Variants in RP1 observed in about 807,000 individuals in gnomAD.
The protein encoded by RP1 is RP1 axonemal microtubule associated.
In RP1, 16 loss-of-function variants were observed where a neutral mutation model predicts 14.8. The observed-to-expected ratio is 1.08, with a 90% confidence interval of 0.73 to 1.65. The LOEUF (loss-of-function observed/expected upper bound fraction) is 1.65, where lower values mean the gene tolerates loss of function less well. Ranked by LOEUF, RP1 falls within the 40% of genes most tolerant of loss-of-function variation. The probability of loss-of-function intolerance (pLI) is 0.00; values close to 1 mark genes in which losing one functional copy is unlikely to be tolerated. For synonymous variants in RP1, 876 were observed against 883.6 expected (o/e 0.99, Z 0.15); for missense variants, 2,631 against 2,535.0 (o/e 1.04, Z -0.81).
intron 14 of RP1, among the ~76,000 whole-genome samples, chr8:54,704,491 G>A (rs1808102061): frequency 6.6e-6 from 1 of 152,102 alleles, no homozygotes; most frequent in African/African-American, 2.4e-5. Context: ...CACCATAACA[G>A]TTATCATAAT....
intron 24 of RP1, among the ~76,000 whole-genome samples, chr8:54,802,123 T>C (rs1362388562): frequency 6.6e-6 from 1 of 152,174 alleles, no homozygotes; most frequent in African/African-American, 2.4e-5. Flanking sequence ...AGATGTTATT[T>C]AGAAACATAA....
chr8:54,590,618 G>A (rs146699276), intron 1 of RP1, among the ~76,000 whole-genome samples: 6 of 152,260 alleles, frequency 3.9e-5, no homozygotes, highest in East Asian at 1.9e-4. Context: ...GCCCAAGGAC[G>A]TTATCTTAGG....
intron 24 of RP1, among the ~76,000 whole-genome samples, chr8:54,805,647 A>G (rs1810830063): frequency 6.6e-6 from 1 of 152,062 alleles, no homozygotes; most frequent in African/African-American, 2.4e-5. Context: ...TTGTTGGTAT[A>G]TTAGTTATAA....
intron 1 of RP1, among the ~76,000 whole-genome samples, chr8:54,597,277 T>A (rs1563321424): frequency 6.6e-6 from 1 of 152,200 alleles, no homozygotes; most frequent in African/African-American, 2.4e-5. Flanking sequence ...AAAACAGGGA[T>A]AATAATAGTA....
chr8:54,776,227 G>A lies in RP1; in HGVS notation c.3451+6060G>A, dbSNP rs111963317. Among the ~76,000 whole-genome samples, 1,173 of 152,198 alleles carry A rather than the reference G, an allele frequency of 7.7e-3. 20 individuals carry two copies. Among genetic ancestry groups the A allele is most frequent in the African/African-American group, 0.027 (1,103 of 41,536 alleles). ...TGGTTAGTTTATTTTTTAGAGACAG[G>A]GTCTTGCTCTGTCACCCAGGGTAGA... On this transcript the variant is annotated intron_variant, in intron 23 of 28. Transcript: ENST00000637698.
At chr8:54,615,303 T>C (rs903403169), upstream of RP1, among the ~76,000 whole-genome samples, 1 of 152,184 alleles carries the variant, frequency 6.6e-6, no homozygotes, top group Non-Finnish European at 1.5e-5. Context: ...GGAGACAACA[T>C]TGTGGCGCAC....
intron 24 of RP1, among the ~76,000 whole-genome samples, chr8:54,806,329 A>C (rs972486355): frequency 6.6e-6 from 1 of 151,378 alleles, no homozygotes; most frequent in African/African-American, 2.4e-5. Flanking sequence ...GTTTTTTTTT[A>C]ACCTCAGCAT....
At chr8:54,807,639 T>C (rs1810885800) in intron 24 of RP1, among the ~76,000 whole-genome samples, 1 of 51,584 alleles carries the variant, frequency 1.9e-5, no homozygotes, top group East Asian at 3.4e-4. Context: ...TCTGTCTATC[T>C]ATCTATCTAT....
intron 18 of RP1, among the ~76,000 whole-genome samples, chr8:54,738,102 C>T (rs1808981277): frequency 6.6e-6 from 1 of 152,096 alleles, no homozygotes; most frequent in African/African-American, 2.4e-5. Context: ...AGAGATTGTG[C>T]CGTCATTTTC....
chr8:54,785,419 T>C (rs981075781), intron 24 of RP1, among the ~76,000 whole-genome samples: 1 of 149,614 alleles, frequency 6.7e-6, no homozygotes, highest in African/African-American at 2.6e-5. Context: ...CATTTACCAG[T>C]TGATACAGAT....
chr8:54,706,815 C>G (rs1354004727), intron 15 of RP1, among the ~76,000 whole-genome samples: 1 of 152,096 alleles, frequency 6.6e-6, no homozygotes, highest in Non-Finnish European at 1.5e-5. Context: ...AGCCACATGC[C>G]TGGTATGATA....
intron 1 of RP1, among the ~76,000 whole-genome samples, chr8:54,581,199 C>A (rs1285772141): frequency 2.7e-5 from 4 of 150,238 alleles, no homozygotes; most frequent in Admixed American, 6.6e-5. Flanking sequence ...TGTTCCCCTT[C>A]CTGTGTCCAT....
intron 1 of RP1, among the ~76,000 whole-genome samples, chr8:54,599,826 C>T (rs1223594184): frequency 6.6e-6 from 1 of 152,104 alleles, no homozygotes; most frequent in African/African-American, 2.4e-5. Flanking sequence ...AGGTTGCATT[C>T]CGGACATTTT....
intron 17 of RP1, among the ~76,000 whole-genome samples, chr8:54,731,168 A>G (rs1248756945): frequency 2.0e-5 from 3 of 152,188 alleles, no homozygotes; most frequent in Admixed American, 6.5e-5. Context: ...ACTTATTTCT[A>G]CAAGTAATTT....
At chr8:54,608,599 G>A (rs1001358727) in intron 1 of RP1, among the ~76,000 whole-genome samples, 4 of 152,048 alleles carry the variant, frequency 2.6e-5, no homozygotes, top group African/African-American at 9.7e-5. Context: ...AACTCCTAGG[G>A]GATGGACGAT....
chr8:54,696,972 T>C (rs1198071019), intron 12 of RP1: 3 of 1,312,082 alleles, frequency 2.3e-6, no homozygotes, highest in Non-Finnish European at 3.3e-6. Context: ...ATTCATGAAA[T>C]TGCCTTCCCA....
At chr8:54,847,096 G>T (rs1017565218) in intron 25 of RP1, among the ~76,000 whole-genome samples, 2 of 152,108 alleles carry the variant, frequency 1.3e-5, no homozygotes, top group African/African-American at 2.4e-5. Flanking sequence ...GCATCTGCTG[G>T]TGCATCTCTC....
intron 5 of RP1, chr8:54,652,875 A>T: frequency 1.3e-6 from 2 of 1,525,012 alleles, no homozygotes; most frequent in Non-Finnish European, 1.8e-6. Context: ...AGGTAAGGAT[A>T]TATCAACACT....
chr8:54,778,550 C>A lies in RP1; in HGVS notation c.3452-4997C>A, dbSNP rs182781301. ...ATATTGGCCAGGCTGGTCTCGAACT[C>A]CTGACCTTGTGATCCGCCCACCTCG... is the stretch of plus-strand genomic sequence containing the variant. On this transcript the variant is annotated intron_variant, in intron 23 of 28. Coordinates refer to the RP1 transcript ENST00000637698. Among the ~76,000 whole-genome samples, 836 of 152,094 alleles carry A rather than the reference C, an allele frequency of 5.5e-3. 6 individuals carry two copies. The highest frequency in any genetic ancestry group is 7.6e-3 in the Non-Finnish European group (516 of 67,982).
Sources: allele counts gnomAD v4.1 joint callset (sites outside exome capture counted in the v4.1 genomes callset), GRCh38; gene constraint gnomAD v4.1.1; transcripts MANE v1.5; gene names NCBI Gene and HGNC (gene_info 2026-07-23, HGNC 2026-07-21).